DLG2: variants seen among roughly 807,000 people sequenced by gnomAD.
The protein encoded by DLG2 is disks large homolog 2.
Under a neutral mutation model 132.5 loss-of-function variants are expected in DLG2, and 45 were observed. The ratio of observed to expected loss-of-function variants is 0.34; its 90% CI spans 0.27 to 0.44. The LOEUF is 0.44. DLG2 is among the 20% of genes least tolerant of loss of function. The pLI is 1.00. For synonymous variants in DLG2, 424 were observed against 419.6 expected, an observed-to-expected ratio of 1.01 and a Z score of -0.13; for missense variants, 1,045 against 1,196.9, an observed-to-expected ratio of 0.87 and a Z score of 1.87.
intron 3 of DLG2, among the ~76,000 whole-genome samples, chr11:85,456,683 G>A (rs2092434197): frequency 6.6e-6 from 1 of 151,994 alleles, no homozygotes; most frequent in Non-Finnish European, 1.5e-5. Flanking sequence ...TTTTCATTTG[G>A]TCAAAGAATT....
chr11:84,623,549 G>A (rs1224487892), intron 6 of DLG2, among the ~76,000 whole-genome samples: 1 of 152,116 alleles, frequency 6.6e-6, no homozygotes. Flanking sequence ...TGATTAGAGA[G>A]GTTCAGTGAC....
chr11:85,347,977 T>G (rs1196495293), intron 3 of DLG2, among the ~76,000 whole-genome samples: 3 of 119,252 alleles, frequency 2.5e-5, no homozygotes, highest in Non-Finnish European at 3.5e-5. Flanking sequence ...CTTTTTTTTT[T>G]TTTTTTTTTT....
intron 6 of DLG2, among the ~76,000 whole-genome samples, chr11:84,941,697 C>CT (rs550984313): frequency 0.016 from 2,286 of 141,502 alleles, 19 homozygotes; most frequent in South Asian, 0.021. Flanking sequence ...CTTTCTTTCT[C>CT]TTTTTTTTTT....
chr11:83,607,577 T>C (rs2059533381), intron 19 of DLG2, among the ~76,000 whole-genome samples: 2 of 152,318 alleles, frequency 1.3e-5, no homozygotes, highest in South Asian at 4.1e-4. Context: ...GCAATTTATT[T>C]AAAGTATTTG....
At chr11:83,698,638 G>C (rs1773995699) in intron 18 of DLG2, among the ~76,000 whole-genome samples, 1 of 152,102 alleles carries the variant, frequency 6.6e-6, no homozygotes, top group South Asian at 2.1e-4. Context: ...CTGTAAAACA[G>C]GTATAATAAT....
chr11:85,569,394 G>GT (rs1371593627), intron 3 of DLG2, among the ~76,000 whole-genome samples: 5 of 152,128 alleles, frequency 3.3e-5, no homozygotes, highest in African/African-American at 4.8e-5. Flanking sequence ...GTTTAACTGC[G>GT]TAAGTTTGGT....
chr11:85,339,135 TTTTA>T (rs1403919346), intron 3 of DLG2, among the ~76,000 whole-genome samples: 4 of 152,238 alleles, frequency 2.6e-5, no homozygotes, highest in African/African-American at 9.6e-5. Context: ...GCTTTGCTTT[TTTTA>T]TTTGACAGTG....
At chr11:84,198,711 A>G (rs1228988332) in intron 8 of DLG2, among the ~76,000 whole-genome samples, 2 of 152,200 alleles carry the variant, frequency 1.3e-5, no homozygotes, top group Non-Finnish European at 2.9e-5. Flanking sequence ...ACCCTTTATC[A>G]CTATTGGGGA....
intron 3 of DLG2, among the ~76,000 whole-genome samples, chr11:85,446,554 G>A (rs2092018829): frequency 6.6e-6 from 1 of 152,108 alleles, no homozygotes; most frequent in Non-Finnish European, 1.5e-5. Context: ...TCAGGTAAAT[G>A]TTCTAGGCAC....
rs143474739 is a variant in DLG2 at position 85,585,238 on chromosome 11, G to T, written c.40+13419C>A. ...TACATGTGGCTTGCCGATTATCCCA[G>T]AACCATTTGTTGAATAGGGTGTCCT... On this transcript the variant is annotated intron_variant, in intron 3 of 27. Transcript: ENST00000376104. Among the ~76,000 whole-genome samples the T allele has an allele frequency of 3.9e-4, 59 of 152,288 alleles. No homozygotes were observed. In the East Asian group the frequency reaches 0.011, roughly 28 times the overall value.
At chr11:85,108,365 A>T (rs1197308473) in intron 6 of DLG2, among the ~76,000 whole-genome samples, 2 of 152,060 alleles carry the variant, frequency 1.3e-5, no homozygotes, top group Admixed American at 1.3e-4. Flanking sequence ...AGTATGAATT[A>T]ATTTATTTAT....
At chr11:84,769,439 C>T (rs4418840) in intron 6 of DLG2, among the ~76,000 whole-genome samples, 80,448 of 151,800 alleles carry the variant, frequency 0.53, 21,627 homozygotes, top group African/African-American at 0.61. Flanking sequence ...ATAAAATATA[C>T]ATATTTTTAA....
chr11:84,681,059 C>A (rs113673121), intron 6 of DLG2, among the ~76,000 whole-genome samples: 2 of 152,194 alleles, frequency 1.3e-5, no homozygotes, highest in African/African-American at 4.8e-5. Context: ...AACAGCACTG[C>A]ATATCAAATT....
chr11:84,703,748 T>C (rs2059440888), intron 6 of DLG2, among the ~76,000 whole-genome samples: 2 of 150,624 alleles, frequency 1.3e-5, no homozygotes, highest in African/African-American at 4.9e-5. Flanking sequence ...AAGTGTTAAA[T>C]AAGAGAATAA....
chr11:85,278,245 T>C (rs904773009), intron 4 of DLG2, among the ~76,000 whole-genome samples: 9 of 152,228 alleles, frequency 5.9e-5, no homozygotes, highest in African/African-American at 2.2e-4. Flanking sequence ...TTTCCTCTTC[T>C]GCAAATTATA....
intron 9 of DLG2, among the ~76,000 whole-genome samples, chr11:84,139,620 GTAT>G (rs1300771201): frequency 2.0e-5 from 3 of 151,984 alleles, no homozygotes; most frequent in African/African-American, 7.2e-5. Flanking sequence ...TTGGAGGTAG[GTAT>G]TATTATCATC....
intron 18 of DLG2, among the ~76,000 whole-genome samples, chr11:83,715,686 T>C (rs924404450): frequency 2.0e-5 from 3 of 152,232 alleles, no homozygotes; most frequent in Non-Finnish European, 2.9e-5. Flanking sequence ...GCATAACGAT[T>C]GTTCCGTGAT....
chr11:84,420,420 C>A (rs1052032264), intron 7 of DLG2, among the ~76,000 whole-genome samples: 2 of 152,062 alleles, frequency 1.3e-5, no homozygotes, highest in African/African-American at 4.8e-5. Flanking sequence ...TCACTGAGAA[C>A]CACAGGTCAC....
At chr11:85,195,292 G>A (rs1469909677) in intron 4 of DLG2, among the ~76,000 whole-genome samples, 3 of 152,034 alleles carry the variant, frequency 2.0e-5, no homozygotes, top group African/African-American at 7.2e-5. Flanking sequence ...AGATGTTAAT[G>A]GTGACTATAT....
Sources: allele counts gnomAD v4.1 joint callset (sites outside exome capture counted in the v4.1 genomes callset), GRCh38; gene constraint gnomAD v4.1.1; transcripts MANE v1.5; gene names NCBI Gene and HGNC (gene_info 2026-07-23, HGNC 2026-07-21).